Variants in WWOX observed in about 807,000 individuals in gnomAD.
The protein encoded by WWOX is WW domain-containing oxidoreductase.
WWOX carries 69 observed loss-of-function variants against 46.2 expected under a neutral mutation model. That is an observed-to-expected ratio of 1.49 (90% confidence interval 1.23 to 1.82). The LOEUF (loss-of-function observed/expected upper bound fraction) is 1.82. Ranked by LOEUF, WWOX falls within the 40% of genes most tolerant of loss-of-function variation. The pLI is 0.00. For missense variants in WWOX, 919 were observed against 542.6 expected (o/e 1.69, Z -6.89); for synonymous variants, 359 against 202.6 (o/e 1.77, Z -6.56).
intron 8 of WWOX, among the ~76,000 whole-genome samples, chr16:78,974,420 G>C (rs1171068965): frequency 2.6e-5 from 4 of 152,162 alleles, no homozygotes; most frequent in African/African-American, 9.7e-5. Flanking sequence ...GCCTTGGAAA[G>C]AGTCTTGGTA....
At chr16:78,527,280 C>T (rs552151471) in intron 8 of WWOX, among the ~76,000 whole-genome samples, 8 of 147,530 alleles carry the variant, frequency 5.4e-5, no homozygotes, top group Non-Finnish European at 8.9e-5. Flanking sequence ...ACTTGTATCT[C>T]GCTCTTTTTT....
chr16:78,755,359 G>GC (rs1162075465), intron 8 of WWOX, among the ~76,000 whole-genome samples: 1 of 152,150 alleles, frequency 6.6e-6, no homozygotes, highest in East Asian at 1.9e-4. Context: ...GCAGTGGGTA[G>GC]CCCAGGACTC....
chr16:78,714,881 C>G (rs954131779), intron 8 of WWOX, among the ~76,000 whole-genome samples: 1 of 152,130 alleles, frequency 6.6e-6, no homozygotes, highest in African/African-American at 2.4e-5. Flanking sequence ...ATTGATAAGA[C>G]ATGGAATGAT....
intron 8 of WWOX, among the ~76,000 whole-genome samples, chr16:78,866,438 A>ATTTTTTTT (rs34191638): frequency 6.7e-6 from 1 of 150,114 alleles, no homozygotes; most frequent in Non-Finnish European, 1.5e-5. Flanking sequence ...ATCCCGTGCT[A>ATTTTTTTT]TTTTTTTTTT....
intron 8 of WWOX, among the ~76,000 whole-genome samples, chr16:79,102,135 G>A (rs375408414): frequency 4.4e-4 from 66 of 151,658 alleles, no homozygotes; most frequent in Non-Finnish European, 7.5e-4. Context: ...GCAAAACAAT[G>A]TACTGGAGTG....
At chr16:78,573,009 C>T (rs1016676876) in intron 8 of WWOX, among the ~76,000 whole-genome samples, 23 of 152,220 alleles carry the variant, frequency 1.5e-4, no homozygotes, top group South Asian at 4.1e-4. Context: ...AAATTATAGC[C>T]GGGCACGGTG....
At chr16:78,277,952 G>T (rs1356610848) in intron 5 of WWOX, among the ~76,000 whole-genome samples, 1 of 152,112 alleles carries the variant, frequency 6.6e-6, no homozygotes, top group Admixed American at 6.5e-5. Flanking sequence ...GCCCACCATG[G>T]GGTTAAAAAA....
intron 4 of WWOX, among the ~76,000 whole-genome samples, chr16:78,131,349 C>G (rs755371688): frequency 1.3e-4 from 20 of 151,668 alleles, no homozygotes; most frequent in Non-Finnish European, 2.7e-4. Context: ...GTAGCTTGGA[C>G]TACAGGCATG....
chr16:78,930,533 C>G (rs1003884203), intron 8 of WWOX, among the ~76,000 whole-genome samples: 1 of 150,266 alleles, frequency 6.7e-6, no homozygotes, highest in Non-Finnish European at 1.5e-5. Flanking sequence ...TCAAGTGATC[C>G]GCCAGCCTCA....
At chr16:78,369,343 A>C (rs1318486974) in intron 5 of WWOX, among the ~76,000 whole-genome samples, 1 of 151,678 alleles carries the variant, frequency 6.6e-6, no homozygotes, top group Non-Finnish European at 1.5e-5. Context: ...CAAGAGAAAA[A>C]AACGTGGAAA....
At chr16:78,687,333 G>A (rs1489169276) in intron 8 of WWOX, among the ~76,000 whole-genome samples, 3 of 152,146 alleles carry the variant, frequency 2.0e-5, no homozygotes, top group Non-Finnish European at 2.9e-5. Flanking sequence ...TTAGATTAAA[G>A]CATTGTACCT....
intron 8 of WWOX, among the ~76,000 whole-genome samples, chr16:78,948,394 C>G (rs534642820): frequency 6.6e-5 from 10 of 152,314 alleles, no homozygotes; most frequent in African/African-American, 2.4e-4. Flanking sequence ...GATCTCAGAA[C>G]TTGTATCTTT....
chr16:78,383,817 G>A (rs930047705), intron 5 of WWOX, among the ~76,000 whole-genome samples: 6 of 152,112 alleles, frequency 3.9e-5, no homozygotes, highest in Admixed American at 2.6e-4. Context: ...AACAGTGTGT[G>A]GACTTGAATC....
chr16:79,135,735 T>TA (rs1461893149), intron 8 of WWOX, among the ~76,000 whole-genome samples: 2 of 152,198 alleles, frequency 1.3e-5, no homozygotes, highest in Non-Finnish European at 2.9e-5. Context: ...ATTACCATTT[T>TA]AAAAAAATAA....
intron 8 of WWOX, among the ~76,000 whole-genome samples, chr16:79,138,763 A>G (rs1468477010): frequency 6.6e-6 from 1 of 152,128 alleles, no homozygotes. Context: ...AGAGGGTGAG[A>G]CTGACATCTC....
intron 8 of WWOX, among the ~76,000 whole-genome samples, chr16:78,854,695 C>G (rs1014265317): frequency 2.0e-5 from 3 of 152,194 alleles, no homozygotes; most frequent in African/African-American, 7.2e-5. Flanking sequence ...ATTCTCCTGC[C>G]TCAGCCTCCC....
chr16:78,554,901 G>C (rs1206208160), intron 8 of WWOX, among the ~76,000 whole-genome samples: 1 of 152,124 alleles, frequency 6.6e-6, no homozygotes, highest in Non-Finnish European at 1.5e-5. Flanking sequence ...CTTTCACAAA[G>C]ACTGTAAGCC....
At chr16:79,131,844 A>T (rs920301804) in intron 8 of WWOX, among the ~76,000 whole-genome samples, 1 of 152,234 alleles carries the variant, frequency 6.6e-6, no homozygotes, top group African/African-American at 2.4e-5. Flanking sequence ...GGGAAGCCTT[A>T]CAATCATGGT....
chr16:78,997,515 C>G (rs941081385), intron 8 of WWOX, among the ~76,000 whole-genome samples: 17 of 152,168 alleles, frequency 1.1e-4, no homozygotes, highest in South Asian at 2.1e-4. Context: ...TTTACACTTT[C>G]ATTGCCCTTT....
Sources: allele counts gnomAD v4.1 joint callset (sites outside exome capture counted in the v4.1 genomes callset), GRCh38; gene constraint gnomAD v4.1.1; transcripts MANE v1.5; gene names NCBI Gene and HGNC (gene_info 2026-07-23, HGNC 2026-07-21).